The following MIPOL1 variants were observed in gnomAD, a reference collection of about 807,000 sequenced individuals.
MIPOL1 encodes mirror-image polydactyly 1.
Under a neutral mutation model 60.9 loss-of-function variants are expected in MIPOL1, and 57 were observed. That is an observed-to-expected ratio of 0.94 (90% CI 0.76 to 1.17). The LOEUF (loss-of-function observed/expected upper bound fraction) is 1.17, where lower values mean the gene tolerates loss of function less well. Among genes scored for constraint, MIPOL1 ranks in the 50% most tolerant of loss-of-function variants. MIPOL1 has a pLI of 0.00. For synonymous variants in MIPOL1, 179 were observed against 168.8 expected (o/e 1.06, Z -0.47); for missense variants, 551 against 511.6 (o/e 1.08, Z -0.74).
intron 12 of MIPOL1, 116 bp from the exon 13 acceptor site, chr14:37,546,789 C>CA: frequency 1.3e-6 from 1 of 772,212 alleles, no homozygotes; most frequent in Non-Finnish European, 2.2e-6. Flanking sequence ...TGTTTCTTAA[C>CA]ATGACCGTGA....
chr14:37,470,050 G>A (rs1011992611), intron 11 of MIPOL1, among the ~76,000 whole-genome samples: 8 of 151,812 alleles, frequency 5.3e-5, no homozygotes, highest in African/African-American at 1.7e-4. Context: ...TAAGGATGAT[G>A]TATAGGTTTC....
chr14:37,399,635 T>C (rs778675720), intron 10 of MIPOL1, among the ~76,000 whole-genome samples: 17 of 152,148 alleles, frequency 1.1e-4, no homozygotes, highest in Non-Finnish European at 2.2e-4. Flanking sequence ...AGATGGGTTG[T>C]TAACTTTCAT....
intron 10 of MIPOL1, among the ~76,000 whole-genome samples, chr14:37,407,565 T>A (rs566231778): frequency 6.6e-6 from 1 of 152,160 alleles, no homozygotes; most frequent in African/African-American, 2.4e-5. Context: ...CAGAGACTTA[T>A]AACACACACC....
intron 6 of MIPOL1, among the ~76,000 whole-genome samples, chr14:37,280,066 G>A (rs963626835): frequency 2.6e-5 from 4 of 151,806 alleles, no homozygotes; most frequent in Admixed American, 6.6e-5. Context: ...GGCTTATTTC[G>A]CCTAGCATAG....
chr14:37,522,421 G>A (rs2095420231), intron 12 of MIPOL1, among the ~76,000 whole-genome samples: 1 of 152,150 alleles, frequency 6.6e-6, no homozygotes, highest in Admixed American at 6.5e-5. Flanking sequence ...GTTTGTGTTA[G>A]TGGACTTACT....
chr14:37,241,691 A>G (rs916884718), intron 1 of MIPOL1, among the ~76,000 whole-genome samples: 1 of 152,156 alleles, frequency 6.6e-6, no homozygotes, highest in Non-Finnish European at 1.5e-5. Flanking sequence ...ATAAAGGGGA[A>G]CTATCTGTGA....
At chr14:37,523,025 T>C (rs2095424299) in intron 12 of MIPOL1, among the ~76,000 whole-genome samples, 1 of 152,086 alleles carries the variant, frequency 6.6e-6, no homozygotes, top group Non-Finnish European at 1.5e-5. Context: ...CTTTAAAATA[T>C]CATTTAAGTA....
At chr14:37,499,818 A>T in intron 11 of MIPOL1, 90 bp from the exon 12 acceptor site, 2 of 556,454 alleles carry the variant, frequency 3.6e-6, no homozygotes, top group Non-Finnish European at 6.1e-6. Context: ...TTTTAGAACT[A>T]GAGATTCTAA....
chr14:37,532,948 T>A lies in MIPOL1; in HGVS notation c.1263-13957T>A, dbSNP rs182268611. On this transcript the variant is annotated intron_variant, in intron 12 of 12. Coordinates refer to ENST00000684589, the MANE Select transcript of MIPOL1 (RefSeq NM_001388067.1). ...TTCTCTGCATTCAGAATTCCTTGTC[T>A]ATAAAATACAAAAAAAGTGTATATG... 1.5e-3 allele frequency among the ~76,000 whole-genome samples: 228 copies of A among 152,250 alleles called. 1 individual carries two copies. The highest frequency in any genetic ancestry group is 4.4e-3 in the African/African-American group (184 of 41,568).
At chr14:37,451,893 C>T (rs935961231) in intron 11 of MIPOL1, among the ~76,000 whole-genome samples, 10 of 142,478 alleles carry the variant, frequency 7.0e-5, no homozygotes, top group Non-Finnish European at 1.5e-4. Flanking sequence ...CGGCTCACTG[C>T]AAGCTCCGCC....
rs370437402 is a variant in MIPOL1, at chr14:37,463,311, C to T, written c.1032-36597C>T. On this transcript the variant is annotated intron_variant, in intron 11 of 12. Coordinates refer to ENST00000684589, the MANE Select transcript of MIPOL1 (RefSeq NM_001388067.1). The stretch of plus-strand genomic sequence containing the variant: ...CCCCCGTAACTTAATCATGTCCAAC[C>T]GGGTCCCTCCCACAACACATGGGAA... 5.9e-5 allele frequency among the ~76,000 whole-genome samples: 9 copies of T among 152,256 alleles called. No homozygotes were observed. In the South Asian group the frequency reaches 6.2e-4, roughly 11 times the overall value.
At chr14:37,268,518 CA>C in intron 4 of MIPOL1, 139 bp from the exon 5 acceptor site, 5 of 619,142 alleles carry the variant, frequency 8.1e-6, no homozygotes, top group Non-Finnish European at 8.1e-6. Context: ...ATAAGGCCTT[CA>C]AAAAAACAGC....
At chr14:37,468,446 G>A (rs1466230504) in intron 11 of MIPOL1, among the ~76,000 whole-genome samples, 9 of 151,980 alleles carry the variant, frequency 5.9e-5, no homozygotes, top group Admixed American at 5.2e-4. Context: ...AAATCTTGGG[G>A]TATTTTTAAA....
chr14:37,288,379 T>A (rs1203657364), intron 7 of MIPOL1, among the ~76,000 whole-genome samples: 1 of 152,130 alleles, frequency 6.6e-6, no homozygotes. Flanking sequence ...GAACTGTAAT[T>A]ACTTTACAAG....
chr14:37,210,758 G>C (rs1966774429), intron 1 of MIPOL1, among the ~76,000 whole-genome samples: 1 of 152,162 alleles, frequency 6.6e-6, no homozygotes. Context: ...CATGATTGCT[G>C]ACAGCAAGGG....
intron 9 of MIPOL1, among the ~76,000 whole-genome samples, chr14:37,348,838 T>G (rs112798551): frequency 0.57 from 82,629 of 145,502 alleles, 24,942 homozygotes; most frequent in Non-Finnish European, 0.66. Context: ...GTTTTTTTTT[T>G]TTTTTTTTGG....
At position 37,326,031 on chromosome 14, in the gene MIPOL1, G is replaced by A. The variant is rs546149535; in HGVS notation, c.828+17512G>A. On this transcript the variant is annotated intron_variant, in intron 9 of 12. Coordinates refer to ENST00000684589, the MANE Select transcript of MIPOL1 (RefSeq NM_001388067.1). ...ATAGGAAGCAAATATTTTGCTAGTGGATCACGAGGGGTAAAAGTGAATGGA... is the reference window on the plus strand; with the variant it reads ...ATAGGAAGCAAATATTTTGCTAGTGAATCACGAGGGGTAAAAGTGAATGGA... Among the ~76,000 whole-genome samples the A allele has an allele frequency of 2.0e-5, 3 of 152,244 alleles. No homozygotes were observed. In the South Asian group the frequency reaches 6.2e-4, roughly 32 times the overall value.
rs1226943608 is a variant in MIPOL1, at chr14:37,268,757, A to G, written c.351A>G (p.Leu117=). 1 of 1,593,330 alleles carries G rather than the reference A, an allele frequency of 6.3e-7. No homozygotes were observed. The highest frequency in any genetic ancestry group is 8.6e-7 in the Non-Finnish European group (1 of 1,166,382). ...AAGAGAAGACAATAGCATTTCTTCT[A>G]AAAGAATTGGATATTCTCAGAACAA... is the stretch of plus-strand genomic sequence containing the variant. The part of the protein sequence containing the change: ...SDKEKTIAFL[L]KELDILRTSN... Residue 117 remains leucine, a synonymous_variant, in exon 5 of 13, where the codon CTA becomes CTG. Transcript: ENST00000684589.
chr14:37,492,400 GA>G (rs1229664580), intron 11 of MIPOL1, among the ~76,000 whole-genome samples: 2 of 152,170 alleles, frequency 1.3e-5, no homozygotes, highest in Non-Finnish European at 2.9e-5. Flanking sequence ...CCCAATTCAT[GA>G]AAAACCTGTA....
Sources: allele counts gnomAD v4.1 joint callset (sites outside exome capture counted in the v4.1 genomes callset), GRCh38; gene constraint gnomAD v4.1.1; transcripts MANE v1.5; gene names NCBI Gene and HGNC (gene_info 2026-07-23, HGNC 2026-07-21).